AMD1: variants seen among roughly 807,000 people sequenced by gnomAD.
AMD1 encodes adenosylmethionine decarboxylase 1.
A neutral mutation model predicts 40.2 loss-of-function variants in AMD1; 11 were observed. The observed-to-expected ratio is 0.27, with a 90% CI of 0.17 to 0.45. The LOEUF (loss-of-function observed/expected upper bound fraction) is 0.45, where lower values mean the gene tolerates loss of function less well. Among genes scored for constraint, AMD1 ranks in the 20% least tolerant of loss-of-function variants. The pLI is 1.00. For synonymous variants in AMD1, 121 were observed against 130.8 expected (o/e 0.93, Z 0.51); for missense variants, 257 against 410.2 (o/e 0.63, Z 3.23).
At chr6:110,860,500 A>T in the AMD1 span, among the ~76,000 whole-genome samples, 34 of 151,446 alleles carry the variant, frequency 2.2e-4, no homozygotes, top group African/African-American at 7.7e-4. Flanking sequence ...CTATGTGATT[A>T]AAAAAAAACA....
At chr6:110,869,999 C>T (rs1784886349), upstream of AMD1, among the ~76,000 whole-genome samples, 1 of 152,142 alleles carries the variant, frequency 6.6e-6, no homozygotes, top group Non-Finnish European at 1.5e-5. Context: ...AATCCTCCCG[C>T]CTCAGCCTCC....
At chr6:110,845,712 G>A in the AMD1 span, among the ~76,000 whole-genome samples, 1 of 152,140 alleles carries the variant, frequency 6.6e-6, no homozygotes, top group Non-Finnish European at 1.5e-5. Flanking sequence ...CTGCACTGTC[G>A]GCTTCCATAC....
intron 1 of AMD1, among the ~76,000 whole-genome samples, chr6:110,878,337 G>A (rs1271527489): frequency 6.6e-6 from 1 of 152,154 alleles, no homozygotes; most frequent in Non-Finnish European, 1.5e-5. Context: ...ATCAGTCCAA[G>A]CTTTAATGCT....
chr6:110,821,582 C>T, the AMD1 span, among the ~76,000 whole-genome samples: 1 of 151,890 alleles, frequency 6.6e-6, no homozygotes, highest in Non-Finnish European at 1.5e-5. Context: ...CCGTTGCACT[C>T]CAGCCTGGGA....
the AMD1 span, among the ~76,000 whole-genome samples, chr6:110,825,583 T>A: frequency 3.3e-5 from 5 of 152,232 alleles, no homozygotes; most frequent in Admixed American, 2.0e-4. Flanking sequence ...GACATGTTCA[T>A]TGCCTCAGTA....
chr6:110,827,788 C>A, the AMD1 span, among the ~76,000 whole-genome samples: 1 of 150,178 alleles, frequency 6.7e-6, no homozygotes, highest in African/African-American at 2.4e-5. Flanking sequence ...AAAAACACTA[C>A]GAGAATGTTG....
chr6:110,866,550 T>C, the AMD1 span, among the ~76,000 whole-genome samples: 2 of 152,142 alleles, frequency 1.3e-5, no homozygotes, highest in Non-Finnish European at 2.9e-5. Context: ...ATTCTATTAC[T>C]AGGGAGAATG....
rs2115307334 is a variant in AMD1 at position 110,890,240 on chromosome 6, C to CT, written c.325-8dup. On this transcript the variant is annotated splice_polypyrimidine_tract_variant and intron_variant, in intron 3 of 8. Coordinates refer to ENST00000368885, the MANE Select transcript of AMD1 (RefSeq NM_001634.6). ...AGTCATCTTTTTTTTTCTTTCTTTT[C>CT]TTTTTTAATAAAGAGCTTCTTTTAT... is the stretch of plus-strand genomic sequence containing the variant. 1 of 1,497,988 alleles carries CT rather than the reference C, an allele frequency of 6.7e-7. No individual in the cohort carries two copies. The highest frequency in any genetic ancestry group is 9.0e-7 in the Non-Finnish European group (1 of 1,114,956). 92.8% of individuals were successfully genotyped at this position (1,497,988 alleles called of 1,614,324 possible). A position where few individuals can be genotyped will look rare whatever the true frequency, so the allele number is the denominator to read the frequency against.
the AMD1 span, among the ~76,000 whole-genome samples, chr6:110,862,334 T>TG: frequency 6.6e-6 from 1 of 151,364 alleles, no homozygotes; most frequent in South Asian, 2.1e-4. Context: ...TGTTCTGTTT[T>TG]TTTTTTTTTT....
intron 1 of AMD1, among the ~76,000 whole-genome samples, chr6:110,886,281 TATC>T (rs1785679736): frequency 6.6e-6 from 1 of 150,876 alleles, no homozygotes; most frequent in Non-Finnish European, 1.5e-5. Context: ...GCCTGTCAGA[TATC>T]ATAAGGCTTA....
At chr6:110,890,221 C>G in intron 3 of AMD1, 33 bp from the exon 4 acceptor site, 1 of 1,420,244 alleles carries the variant, frequency 7.0e-7, no homozygotes, top group Non-Finnish European at 9.6e-7. Flanking sequence ...CTAAAGTCAT[C>G]TTTTTTTTTC....
intron 1 of AMD1, among the ~76,000 whole-genome samples, chr6:110,886,831 G>T (rs745864087): frequency 2.0e-5 from 3 of 152,104 alleles, no homozygotes; most frequent in Non-Finnish European, 4.4e-5. Flanking sequence ...TTTTTATAAT[G>T]GGCACACTAA....
At chr6:110,839,836 C>G in the AMD1 span, among the ~76,000 whole-genome samples, 1 of 151,946 alleles carries the variant, frequency 6.6e-6, no homozygotes, top group African/African-American at 2.4e-5. Flanking sequence ...ACCTTTTGTT[C>G]TTTATCAAGG....
chr6:110,872,601 A>G (rs970855385), upstream of AMD1, among the ~76,000 whole-genome samples: 57 of 152,248 alleles, frequency 3.7e-4, no homozygotes, highest in African/African-American at 1.3e-3. Flanking sequence ...AGATTAACCA[A>G]CTTAGTACAA....
the AMD1 span, among the ~76,000 whole-genome samples, chr6:110,857,141 G>A: frequency 1.5e-4 from 23 of 152,064 alleles, no homozygotes; most frequent in Admixed American, 1.4e-3. Context: ...CTTCAGCCTG[G>A]GCAACAAAGA....
rs776213563 is a variant in AMD1, at chr6:110,888,997, C to T, written c.324+14C>T. On this transcript the variant is annotated intron_variant, in intron 3 of 8. Transcript: ENST00000368885. The stretch of plus-strand genomic sequence containing the variant: ...GACTCAATTCAAGTAAGTAAGCAAA[C>T]ATTTAAATATTTTTCAGGCATAAAT... The T allele has an allele frequency of 6.2e-7, 1 of 1,608,782 alleles. No homozygotes were observed. Among genetic ancestry groups the T allele is most frequent in the South Asian group, 1.1e-5 (1 of 89,780 alleles).
In AMD1 at chr6:110,894,111, C is replaced by T. The variant is rs1266554427; in HGVS notation, c.*495C>T. On this transcript the variant is annotated 3_prime_UTR_variant, in exon 9 of 9. Transcript: ENST00000368885. ...ATATTCTTTACTAATGTTATTGAAA[C>T]CAATTTCTACTTCATACTGATGTTT... The T allele has an allele frequency of 6.5e-6, 1 of 152,916 alleles. No homozygotes were observed. Among genetic ancestry groups the T allele is most frequent in the East Asian group, 1.9e-4 (1 of 5,206 alleles). 9.5% of individuals were successfully genotyped at this position (152,916 alleles called of 1,614,324 possible).
chr6:110,829,717 G>A, the AMD1 span, among the ~76,000 whole-genome samples: 4 of 151,738 alleles, frequency 2.6e-5, no homozygotes, highest in Non-Finnish European at 5.9e-5. Context: ...ATGGTGGCAC[G>A]AGCCTGTAGT....
chr6:110,815,749 G>A, the AMD1 span: 1 of 152,512 alleles, frequency 6.6e-6, no homozygotes, highest in South Asian at 2.0e-4. Context: ...CTAGTGGGAA[G>A]GGGATACTTC....
Sources: gnomAD v4.1 joint callset for allele counts (sites outside exome capture counted in the v4.1 genomes callset) on GRCh38, gnomAD v4.1.1 for gene constraint, MANE v1.5 for transcripts, NCBI Gene and HGNC (gene_info 2026-07-23, HGNC 2026-07-21) for gene names.